The following ZNF717 variants were observed in gnomAD, a reference collection of about 807,000 sequenced individuals.
ZNF717 encodes zinc finger protein 717, also known as krueppel-like factor X17.
ZNF717 carries 9 observed loss-of-function variants against 13.8 expected under a neutral mutation model. That is an observed-to-expected ratio of 0.65 (90% CI 0.39 to 1.14). ZNF717 has a LOEUF of 1.14. Ranked by LOEUF, ZNF717 falls within the 50% of genes most tolerant of loss-of-function variation. ZNF717 has a pLI of 0.01. For missense variants in ZNF717, 1,040 were observed against 1,080.7 expected (o/e 0.96, Z 0.53); for synonymous variants, 327 against 364.1 (o/e 0.90, Z 1.16).
Position 75,737,693 on chromosome 3 carries a change from C to T in ZNF717, c.1930G>A (p.Glu644Lys). 2.6e-6 allele frequency: 4 copies of T among 1,545,274 alleles called. No individual in the cohort carries two copies. Among genetic ancestry groups the T allele is most frequent in the South Asian group, 1.2e-5 (1 of 83,716 alleles). The change falls in exon 5 of 5, where the codon GAG becomes AAG. Residue 644 changes from glutamate to lysine, a missense_variant. Glu to Lys is a moderately conservative substitution (Grantham distance 56). Transcript: ENST00000652011. ...LSTHQGTHTG[E>K]KPYVCNECGK... ...CATTCATTACATACGTAAGGTTTCT[C>T]TCCTGTGTGAGTTCCCTGATGGGTG...
chr3:75,764,522 C>T lies in ZNF717; in HGVS notation c.57+18784G>A, dbSNP rs548145643. 2.3e-4 allele frequency among the ~76,000 whole-genome samples: 35 copies of T among 152,252 alleles called. 1 individual carries two copies. The South Asian group carries it at 6.8e-3, about 30-fold the overall frequency. On this transcript the variant is annotated intron_variant, in intron 2 of 4. Transcript: ENST00000652011. ...TGATCATGACCCTGGCCCAACGTAA[C>T]GAGAATGAACTGTGAGATAAATGAT...
At chr3:75,712,660 A>G (rs1364477283) in intron 5 of ZNF717, among the ~76,000 whole-genome samples, 3 of 152,094 alleles carry the variant, frequency 2.0e-5, no homozygotes, top group Non-Finnish European at 2.9e-5. Flanking sequence ...AAAATTTACC[A>G]CACAAGATTC....
intron 6 of ZNF717, among the ~76,000 whole-genome samples, chr3:75,704,586 G>A (rs1448206971): frequency 4.6e-5 from 7 of 152,300 alleles, no homozygotes; most frequent in Non-Finnish European, 1.0e-4. Context: ...CAAGCTCACA[G>A]GGTTAGAGGC....
chr3:75,783,072 A>G (rs1944927921), intron 2 of ZNF717, among the ~76,000 whole-genome samples: 1 of 152,260 alleles, frequency 6.6e-6, no homozygotes, highest in Admixed American at 6.5e-5. Context: ...CGTAACAACC[A>G]TGACTGACTT....
downstream of ZNF717, among the ~76,000 whole-genome samples, chr3:75,705,353 A>G (rs146571860): frequency 6.6e-6 from 1 of 152,312 alleles, no homozygotes; most frequent in Non-Finnish European, 1.5e-5. Flanking sequence ...ATGCTTGGTC[A>G]GGATAAAAAA....
intron 2 of ZNF717, among the ~76,000 whole-genome samples, chr3:75,746,152 C>T (rs1259962352): frequency 1.3e-5 from 2 of 152,148 alleles, no homozygotes; most frequent in Non-Finnish European, 2.9e-5. Context: ...AGACAGTTTG[C>T]TCAGAATGAT....
At chr3:75,764,138 G>T (rs531733157) in intron 2 of ZNF717, among the ~76,000 whole-genome samples, 1 of 152,292 alleles carries the variant, frequency 6.6e-6, no homozygotes, top group South Asian at 2.1e-4. Flanking sequence ...TGCAGATGTG[G>T]TTGTTATTCC....
intron 2 of ZNF717, among the ~76,000 whole-genome samples, chr3:75,762,506 C>A (rs1575905506): frequency 6.6e-6 from 1 of 150,978 alleles, no homozygotes; most frequent in East Asian, 1.9e-4. Context: ...TTAGCTTAAC[C>A]AAGAGGGCAA....
intron 2 of ZNF717, among the ~76,000 whole-genome samples, chr3:75,762,975 A>C (rs916800215): frequency 2.0e-5 from 3 of 152,200 alleles, no homozygotes; most frequent in Non-Finnish European, 4.4e-5. Context: ...GGTGTTGGGA[A>C]AACTGTATAT....
At chr3:75,726,697 G>T (rs1221576106), downstream of ZNF717, among the ~76,000 whole-genome samples, 1 of 152,258 alleles carries the variant, frequency 6.6e-6, no homozygotes, top group Admixed American at 6.5e-5. Flanking sequence ...ATGCAGTCTT[G>T]AAGGAACTGA....
intron 2 of ZNF717, among the ~76,000 whole-genome samples, chr3:75,758,585 A>G (rs1942699958): frequency 6.6e-6 from 1 of 152,226 alleles, no homozygotes. Context: ...TATGCTACAG[A>G]TCATTCTTTT....
At chr3:75,734,393 T>C (rs1938891367), downstream of ZNF717, among the ~76,000 whole-genome samples, 1 of 148,872 alleles carries the variant, frequency 6.7e-6, no homozygotes, top group African/African-American at 2.5e-5. Context: ...AAAAAGAACA[T>C]TAGAGAAGGA....
At chr3:75,745,153 G>T (rs1430667820) in intron 2 of ZNF717, among the ~76,000 whole-genome samples, 8 of 118,220 alleles carry the variant, frequency 6.8e-5, no homozygotes, top group Admixed American at 2.4e-4. Context: ...GCTGTGGTCT[G>T]TTGTTTTTTT....
At chr3:75,761,761 G>A (rs1259758248) in intron 2 of ZNF717, among the ~76,000 whole-genome samples, 3 of 152,242 alleles carry the variant, frequency 2.0e-5, no homozygotes, top group African/African-American at 7.2e-5. Flanking sequence ...ACAGAGGCCA[G>A]GTGCAGTGGC....
intron 5 of ZNF717, among the ~76,000 whole-genome samples, chr3:75,712,045 CA>C (rs1937949346): frequency 6.6e-6 from 1 of 152,216 alleles, no homozygotes; most frequent in Non-Finnish European, 1.5e-5. Flanking sequence ...CTAGATTTTT[CA>C]GGACATATAT....
intron 2 of ZNF717, among the ~76,000 whole-genome samples, chr3:75,760,156 G>A (rs1309422578): frequency 6.6e-6 from 1 of 152,136 alleles, no homozygotes; most frequent in African/African-American, 2.4e-5. Context: ...AGCCTCCACG[G>A]TAGCTGGGAT....
intron 2 of ZNF717, among the ~76,000 whole-genome samples, chr3:75,771,449 ATTT>A: frequency 6.6e-6 from 1 of 152,236 alleles, no homozygotes; most frequent in Non-Finnish European, 1.5e-5. Context: ...TCAGCTGAAG[ATTT>A]TCTTTTAATA....
In ZNF717 at chr3:75,737,407, G is replaced by C; in HGVS notation, c.2216C>G (p.Pro739Arg). ...NPMNVANVEK[P>R]CQKSVLTVHH... Reference sequence around the variant, plus strand: ...TACAGTGAGGACTGACTTCTGACAAGGTTTTTCCACATTTGCTACATTCAT... The same window carrying C: ...TACAGTGAGGACTGACTTCTGACAACGTTTTTCCACATTTGCTACATTCAT... The change falls in exon 5 of 5, where the codon CCT (proline) becomes CGT (arginine). Residue 739 changes from proline to arginine, a missense_variant. Physicochemically the swap from Pro to Arg is moderately radical, Grantham distance 103. Around this residue, in one of 3 missense-constraint regions of ZNF717, gnomAD observed 873 missense variants for 832.8 expected, o/e 1.05. Coordinates refer to ENST00000652011, the MANE Select transcript of ZNF717 (RefSeq NM_001290208.3). The C allele has an allele frequency of 1.3e-6, 2 of 1,553,354 alleles. No homozygotes were observed. The highest frequency in any genetic ancestry group is 1.7e-4 in the Middle Eastern group (1 of 5,988).
intron 4 of ZNF717, among the ~76,000 whole-genome samples, chr3:75,724,881 T>C (rs1164659766): frequency 6.6e-6 from 1 of 152,300 alleles, no homozygotes; most frequent in Non-Finnish European, 1.5e-5. Context: ...AGATCCACTG[T>C]TCCAGGTATA....
Sources: allele counts gnomAD v4.1 joint callset (sites outside exome capture counted in the v4.1 genomes callset), GRCh38; gene constraint gnomAD v4.1.1; regional missense constraint gnomAD v4.1.1; transcripts MANE v1.5; gene names NCBI Gene and HGNC (gene_info 2026-07-23, HGNC 2026-07-21).